ESRRB: variants seen among roughly 807,000 people sequenced by gnomAD.
The protein encoded by ESRRB is steroid hormone receptor ERR2.
ESRRB carries 16 observed loss-of-function variants against 46.0 expected under a neutral mutation model. The observed-to-expected ratio is 0.35, with a 90% CI of 0.24 to 0.53. The LOEUF (loss-of-function observed/expected upper bound fraction) is 0.53, where lower values mean the gene tolerates loss of function less well. ESRRB is among the 20% of genes least tolerant of loss of function. The pLI is 0.93. For missense variants in ESRRB, 488 were observed against 607.4 expected, an observed-to-expected ratio of 0.80 and a Z score of 2.07; for synonymous variants, 246 against 259.6, an observed-to-expected ratio of 0.95 and a Z score of 0.50.
chr14:76,409,641 T>C (rs1886347685), intron 1 of ESRRB, among the ~76,000 whole-genome samples: 2 of 151,698 alleles, frequency 1.3e-5, no homozygotes, highest in South Asian at 4.2e-4. Context: ...TAATCGGATT[T>C]GAGCATGAGA....
At chr14:76,453,793 G>C (rs1888495149) in intron 2 of ESRRB, among the ~76,000 whole-genome samples, 1 of 151,968 alleles carries the variant, frequency 6.6e-6, no homozygotes, top group South Asian at 2.1e-4. Context: ...TGTATTTTTG[G>C]TAGAGATGGG....
In ESRRB at chr14:76,491,539, C is replaced by G; in HGVS notation, c.943C>G (p.Pro315Ala). 1 of 1,597,462 alleles carries G rather than the reference C, an allele frequency of 6.3e-7. No homozygotes were observed. Among genetic ancestry groups the G allele is most frequent in the Non-Finnish European group, 8.5e-7 (1 of 1,172,474 alleles). The change falls in exon 6 of 7, where the codon CCC becomes GCC. Residue 315 changes from proline (P) to alanine (A), a missense_variant. Coordinates refer to ENST00000644823, the MANE Select transcript of ESRRB (RefSeq NM_001379180.1). ...CCTGGGCATCGTGTACCGCTCGCTG[C>G]CCTATGACGACAAGCTGGTGTACGC... ...LILGIVYRSLPYDDKLVYAED... is the reference protein window; with the variant it reads ...LILGIVYRSLAYDDKLVYAED...
At chr14:76,414,535 T>C (rs1213689161) in intron 1 of ESRRB, among the ~76,000 whole-genome samples, 2 of 151,682 alleles carry the variant, frequency 1.3e-5, no homozygotes, top group African/African-American at 4.8e-5. Flanking sequence ...TTGCAGTCTC[T>C]GCCTCTTTAC....
chr14:76,367,147 G>A (rs1042976423), upstream of ESRRB, among the ~76,000 whole-genome samples: 1 of 152,094 alleles, frequency 6.6e-6, no homozygotes, highest in African/African-American at 2.4e-5. Flanking sequence ...GAAGTAAGGG[G>A]AGGGGAGATG....
chr14:76,353,286 A>G (rs966610303), intron 1 of ESRRB, among the ~76,000 whole-genome samples: 3 of 152,160 alleles, frequency 2.0e-5, no homozygotes, highest in South Asian at 4.1e-4. Flanking sequence ...CTGTTTTTAC[A>G]GTCCCCAACC....
At chr14:76,459,909 G>GGGGGAGAGAGGGAGAT (rs1888781331) in intron 2 of ESRRB, among the ~76,000 whole-genome samples, 2 of 152,006 alleles carry the variant, frequency 1.3e-5, no homozygotes, top group African/African-American at 4.8e-5. Flanking sequence ...GAGAGGGAGA[G>GGGGGAGAGAGGGAGAT]GGGGAGAGAG....
intron 1 of ESRRB, among the ~76,000 whole-genome samples, chr14:76,405,643 A>T (rs1886154356): frequency 6.6e-6 from 1 of 152,026 alleles, no homozygotes; most frequent in African/African-American, 2.4e-5. Flanking sequence ...GGATTTGCAC[A>T]TGGCCTGCTG....
In ESRRB at chr14:76,498,604, C is replaced by T; in HGVS notation, c.*146C>T. 1 of 1,298,634 alleles carries T rather than the reference C, an allele frequency of 7.7e-7. No individual in the cohort carries two copies. The highest frequency in any genetic ancestry group is 1.3e-5 in the South Asian group (1 of 79,236). The allele number at this position is 1,298,634 out of a possible 1,614,324, so 80.4% of individuals were successfully genotyped here. A position where few individuals can be genotyped will look rare whatever the true frequency, so the allele number is the denominator to read the frequency against. On this transcript the variant is annotated 3_prime_UTR_variant, in exon 7 of 7. Coordinates refer to ENST00000644823, the MANE Select transcript of ESRRB (RefSeq NM_001379180.1). ...GAGGCGGGGGTTTCTCACCTCCTGG[C>T]TGTGTGCAGACTCCCGGGTGCAGTG...
At chr14:76,379,355 C>G (rs1884911779) in intron 1 of ESRRB, among the ~76,000 whole-genome samples, 1 of 152,002 alleles carries the variant, frequency 6.6e-6, no homozygotes, top group Non-Finnish European at 1.5e-5. Context: ...GGCTATCTTC[C>G]CCACCGTCCG....
chr14:76,409,710 C>T lies in ESRRB; in HGVS notation c.51-29631C>T, dbSNP rs549638636. Among the ~76,000 whole-genome samples, 11 of 152,072 alleles carry T rather than the reference C, an allele frequency of 7.2e-5. No individual in the cohort carries two copies. The East Asian group carries it at 1.8e-3, about 24-fold the overall frequency. ...TGGGGACCTCCCTGGGAGCCAGGGC[C>T]CCCCTAATTTGGTTTGCAAATACAT... On this transcript the variant is annotated intron_variant, in intron 1 of 6. Transcript: ENST00000644823.
intron 3 of ESRRB, among the ~76,000 whole-genome samples, chr14:76,474,437 G>A (rs1490921740): frequency 2.6e-5 from 4 of 152,166 alleles, no homozygotes; most frequent in Non-Finnish European, 5.9e-5. Context: ...CAGTTTGATA[G>A]CGTTTTGTAT....
At chr14:76,484,124 G>A (rs1889913446) in intron 5 of ESRRB, among the ~76,000 whole-genome samples, 1 of 152,226 alleles carries the variant, frequency 6.6e-6, no homozygotes, top group Non-Finnish European at 1.5e-5. Flanking sequence ...CCAAAGTGCT[G>A]GGATTATAGG....
intron 3 of ESRRB, among the ~76,000 whole-genome samples, chr14:76,477,118 G>A (rs1472801129): frequency 6.6e-6 from 1 of 152,152 alleles, no homozygotes; most frequent in Non-Finnish European, 1.5e-5. Flanking sequence ...GGAGAAGGCC[G>A]CTTCACTTTG....
chr14:76,355,293 GT>G (rs1364427665), intron 1 of ESRRB, among the ~76,000 whole-genome samples: 1 of 152,142 alleles, frequency 6.6e-6, no homozygotes, highest in African/African-American at 2.4e-5. Context: ...GAAATACTGA[GT>G]TTGTGTGTGT....
intron 1 of ESRRB, among the ~76,000 whole-genome samples, chr14:76,431,372 A>C (rs1887436403): frequency 6.6e-6 from 1 of 152,226 alleles, no homozygotes; most frequent in Non-Finnish European, 1.5e-5. Context: ...CTAGAAGTCT[A>C]AGGCAAAATA....
At chr14:76,463,134 C>A in intron 3 of ESRRB, 1 of 221,822 alleles carries the variant, frequency 4.5e-6, no homozygotes, top group Non-Finnish European at 9.0e-6. Flanking sequence ...CTTGGGAATG[C>A]TGCTCCCTTC....
chr14:76,464,025 T>C, intron 3 of ESRRB, among the ~76,000 whole-genome samples: 1 of 152,190 alleles, frequency 6.6e-6, no homozygotes, highest in Non-Finnish European at 1.5e-5. Context: ...TTGAGGAACC[T>C]TGTTCAGTAC....
chr14:76,488,429 T>G (rs556593927), intron 5 of ESRRB, among the ~76,000 whole-genome samples: 3 of 152,122 alleles, frequency 2.0e-5, no homozygotes, highest in South Asian at 4.2e-4. Flanking sequence ...CCAGTCTCCC[T>G]CCCACCACCC....
chr14:76,485,640 AGAGAGAG>A (rs1889982058), intron 5 of ESRRB, among the ~76,000 whole-genome samples: 5 of 150,946 alleles, frequency 3.3e-5, no homozygotes, highest in African/African-American at 1.2e-4. Context: ...AGAGAGAGAG[AGAGAGAG>A]AGAGAGAGAG....
Sources: allele counts gnomAD v4.1 joint callset (sites outside exome capture counted in the v4.1 genomes callset), GRCh38; gene constraint gnomAD v4.1.1; transcripts MANE v1.5; gene names NCBI Gene and HGNC (gene_info 2026-07-23, HGNC 2026-07-21).